INPP4B: variants seen among roughly 807,000 people sequenced by gnomAD.
INPP4B encodes inositol polyphosphate 4-phosphatase type II.
INPP4B carries 55 observed loss-of-function variants against 122.5 expected under a neutral mutation model. That is an observed-to-expected ratio of 0.45 (90% CI 0.36 to 0.56). INPP4B has a LOEUF of 0.56. Ranked by LOEUF, INPP4B falls within the 20% of genes least tolerant of loss-of-function variation. The pLI is 0.00. For missense variants in INPP4B, 1,000 were observed against 1,097.7 expected (o/e 0.91, Z 1.26); for synonymous variants, 403 against 388.7 (o/e 1.04, Z -0.43).
intron 1 of INPP4B, among the ~76,000 whole-genome samples, chr4:142,769,840 G>A (rs1290723895): frequency 6.6e-6 from 1 of 152,142 alleles, no homozygotes; most frequent in Non-Finnish European, 1.5e-5. Context: ...CTTGAGCCAG[G>A]AAGACAGAGG....
intron 25 of INPP4B, among the ~76,000 whole-genome samples, chr4:142,049,550 A>C (rs930702430): frequency 6.6e-6 from 1 of 152,048 alleles, no homozygotes; most frequent in African/African-American, 2.4e-5. Flanking sequence ...ACAAGCAAGT[A>C]GTTATCTATG....
chr4:142,356,304 G>A (rs1208703151), intron 7 of INPP4B, among the ~76,000 whole-genome samples: 2 of 149,248 alleles, frequency 1.3e-5, no homozygotes, highest in Admixed American at 1.4e-4. Context: ...AATAAGAAAG[G>A]GTAATTCAAC....
intron 1 of INPP4B, among the ~76,000 whole-genome samples, chr4:142,750,867 T>C (rs941149325): frequency 6.6e-6 from 1 of 152,150 alleles, no homozygotes; most frequent in African/African-American, 2.4e-5. Context: ...CCAATACTAT[T>C]GTTTTTTAGA....
Position 142,128,388 on chromosome 4 carries a change from CAT to C in INPP4B, c.1721-3630_1721-3629del, listed in dbSNP as rs1178063729. On this transcript the variant is annotated intron_variant, in intron 18 of 25. Transcript: ENST00000262992. ...ACACACACACACACACATACACACA[CAT>C]ACCTTTTTTATAAACCTAGTGAAGC... Among the ~76,000 whole-genome samples the C allele has an allele frequency of 2.7e-5, 4 of 146,698 alleles. No homozygotes were observed. The Admixed American group carries it at 2.7e-4, about 10-fold the overall frequency.
chr4:142,626,090 G>A (rs937202473), intron 2 of INPP4B, among the ~76,000 whole-genome samples: 3 of 152,112 alleles, frequency 2.0e-5, no homozygotes, highest in South Asian at 4.2e-4. Flanking sequence ...CTTCATGTCT[G>A]AAACACCAAA....
chr4:142,258,075 C>G (rs1264070780), intron 11 of INPP4B, among the ~76,000 whole-genome samples: 2 of 151,732 alleles, frequency 1.3e-5, no homozygotes, highest in East Asian at 1.9e-4. Context: ...TGATCTTTGA[C>G]AAACCTGAGA....
chr4:142,430,704 T>C, intron 4 of INPP4B, among the ~76,000 whole-genome samples: 1 of 152,106 alleles, frequency 6.6e-6, no homozygotes. Flanking sequence ...TGCTCTCTGG[T>C]ATGGCAGTGA....
chr4:142,075,600 T>C (rs1770212210), intron 25 of INPP4B, among the ~76,000 whole-genome samples: 1 of 151,916 alleles, frequency 6.6e-6, no homozygotes, highest in Non-Finnish European at 1.5e-5. Context: ...ATTTTAGCAA[T>C]ATCCAAAGAT....
At position 142,182,550 on chromosome 4, in the gene INPP4B, AAAAAAAAAACAAAC is replaced by A. The variant is rs1450305606; in HGVS notation, c.1182-8755_1182-8742del. On this transcript the variant is annotated intron_variant, in intron 15 of 25. Transcript: ENST00000262992. ...TGACAGAGCGAGACTCTGTCTCAAA[AAAAAAAAAACAAAC>A]AAAAAAAAGATTCTTAATGTGAAAA... Among the ~76,000 whole-genome samples the A allele has an allele frequency of 4.4e-5, 4 of 90,722 alleles. 1 individual carries two copies. The highest frequency in any genetic ancestry group is 6.0e-5 in the Non-Finnish European group (2 of 33,430). 59.5% of individuals were successfully genotyped at this position (90,722 alleles called of 152,430 possible). A position where few individuals can be genotyped will look rare whatever the true frequency, so the allele number is the denominator to read the frequency against.
intron 1 of INPP4B, among the ~76,000 whole-genome samples, chr4:142,827,326 A>T (rs576803569): frequency 4.1e-4 from 62 of 152,308 alleles, no homozygotes; most frequent in African/African-American, 1.4e-3. Flanking sequence ...ATATTTGCAG[A>T]ACTTAATTTT....
At chr4:142,127,848 C>CA (rs1200039662) in intron 18 of INPP4B, among the ~76,000 whole-genome samples, 1 of 152,002 alleles carries the variant, frequency 6.6e-6, no homozygotes, top group Non-Finnish European at 1.5e-5. Flanking sequence ...ATTCCAATGC[C>CA]AATGACTCCA....
intron 2 of INPP4B, among the ~76,000 whole-genome samples, chr4:142,625,241 T>C (rs1746071314): frequency 6.6e-6 from 1 of 151,670 alleles, no homozygotes; most frequent in Admixed American, 6.6e-5. Context: ...CCCCATTGTC[T>C]CAGCCCAAAA....
intron 2 of INPP4B, among the ~76,000 whole-genome samples, chr4:142,478,336 C>A (rs1036557449): frequency 6.6e-6 from 1 of 152,116 alleles, no homozygotes; most frequent in Admixed American, 6.6e-5. Context: ...GAGCGGGAAT[C>A]TTTCTTGTTC....
intron 1 of INPP4B, among the ~76,000 whole-genome samples, chr4:142,739,739 T>C (rs973300768): frequency 3.9e-5 from 6 of 152,008 alleles, no homozygotes; most frequent in Non-Finnish European, 8.8e-5. Flanking sequence ...GGTCATTGGA[T>C]TAAAAGCAAT....
At position 142,332,522 on chromosome 4, in the gene INPP4B, T is replaced by TA. The variant is rs561001114; in HGVS notation, c.373-17761dup. Reference sequence around the variant, plus strand: ...AGGGGGAAAAAAAAGCATATATAGTTAAAAAAAAAGTTGCTTAAAAAAGGA... The same window carrying TA: ...AGGGGGAAAAAAAAGCATATATAGTTAAAAAAAAAAGTTGCTTAAAAAAGGA... On this transcript the variant is annotated intron_variant, in intron 7 of 25. Coordinates refer to ENST00000262992, the MANE Select transcript of INPP4B (RefSeq NM_001101669.3). Among the ~76,000 whole-genome samples the TA allele has an allele frequency of 3.2e-3, 490 of 150,922 alleles. 3 individuals carry two copies. Among genetic ancestry groups the TA allele is most frequent in the African/African-American group, 7.9e-3 (327 of 41,150 alleles).
At chr4:142,218,123 C>T (rs189544836) in intron 12 of INPP4B, among the ~76,000 whole-genome samples, 144 of 152,198 alleles carry the variant, frequency 9.5e-4, no homozygotes, top group Non-Finnish European at 1.5e-3. Flanking sequence ...TTCCATCACA[C>T]TGATTTCTCT....
chr4:142,260,776 A>G (rs1739569517), intron 10 of INPP4B, among the ~76,000 whole-genome samples: 1 of 152,196 alleles, frequency 6.6e-6, no homozygotes, highest in Admixed American at 6.5e-5. Context: ...CTTATATTAG[A>G]TAATTGTAGA....
At chr4:142,380,428 C>T (rs1489356470) in intron 7 of INPP4B, among the ~76,000 whole-genome samples, 1 of 152,144 alleles carries the variant, frequency 6.6e-6, no homozygotes, top group Non-Finnish European at 1.5e-5. Flanking sequence ...TCACACCCAT[C>T]AGTATTTCTC....
intron 19 of INPP4B, 142 bp downstream of exon 19, chr4:142,124,446 G>T: frequency 1.5e-6 from 1 of 680,426 alleles, no homozygotes; most frequent in South Asian, 2.0e-5. Context: ...GATATTTATC[G>T]TGAATAAGAA....
Sources: allele counts gnomAD v4.1 joint callset (sites outside exome capture counted in the v4.1 genomes callset), GRCh38; gene constraint gnomAD v4.1.1; transcripts MANE v1.5; gene names NCBI Gene and HGNC (gene_info 2026-07-23, HGNC 2026-07-21).